CUL3: variants seen among roughly 807,000 people sequenced by gnomAD.
CUL3 encodes the protein cullin 3.
In CUL3, 19 loss-of-function variants were observed where a neutral mutation model predicts 89.1. That is an observed-to-expected ratio of 0.21 (90% CI 0.15 to 0.31). CUL3 has a LOEUF of 0.31. Among genes scored for constraint, CUL3 ranks in the 10% least tolerant of loss-of-function variants. CUL3 has a pLI of 1.00. For missense variants in CUL3, 469 were observed against 942.3 expected, an observed-to-expected ratio of 0.50 and a Z score of 6.58; for synonymous variants, 351 against 308.4, an observed-to-expected ratio of 1.14 and a Z score of -1.45.
chr2:224,571,372 C>T (rs1695175832), intron 1 of CUL3, among the ~76,000 whole-genome samples: 1 of 151,982 alleles, frequency 6.6e-6, no homozygotes, highest in Admixed American at 6.6e-5. Context: ...ACATGGGTCA[C>T]ATGTATATAA....
chr2:224,489,715 G>A (rs1691882130), intron 13 of CUL3, among the ~76,000 whole-genome samples: 1 of 151,816 alleles, frequency 6.6e-6, no homozygotes, highest in Non-Finnish European at 1.5e-5. Context: ...CACAGAAAGA[G>A]AAAAAACTAC....
At chr2:224,581,508 C>CTT (rs1260830752) in intron 1 of CUL3, among the ~76,000 whole-genome samples, 10 of 138,854 alleles carry the variant, frequency 7.2e-5, no homozygotes, top group Admixed American at 7.2e-5. Context: ...TTTTTCTTTT[C>CTT]TTTTTTTTTT....
chr2:224,512,535 C>A (rs983269771), intron 5 of CUL3, among the ~76,000 whole-genome samples: 1 of 152,168 alleles, frequency 6.6e-6, no homozygotes, highest in Non-Finnish European at 1.5e-5. Flanking sequence ...TTTACTAGTA[C>A]TCAATTATTG....
chr2:224,566,252 T>TGGAACCAA (rs1695037544), intron 1 of CUL3, among the ~76,000 whole-genome samples: 2 of 152,238 alleles, frequency 1.3e-5, no homozygotes, highest in Admixed American at 6.5e-5. Flanking sequence ...AAAGCACTGA[T>TGGAACCAA]GGAACCAATC....
rs145545222 is a variant in CUL3, at chr2:224,550,494, A to G, written c.264+7165T>C. Among the ~76,000 whole-genome samples, 44 of 152,266 alleles carry G rather than the reference A, an allele frequency of 2.9e-4. No individual in the cohort carries two copies. The East Asian group carries it at 6.6e-3, about 23-fold the overall frequency. On this transcript the variant is annotated intron_variant, in intron 2 of 15. Transcript: ENST00000264414. ...TCACAATTCCCAAATACACATCTCC[A>G]GTTCAAACTTCTCGGATAATTTGAT...
intron 2 of CUL3, among the ~76,000 whole-genome samples, chr2:224,544,448 C>T (rs988063053): frequency 2.0e-5 from 3 of 151,922 alleles, no homozygotes; most frequent in African/African-American, 4.8e-5. Flanking sequence ...ACTTTATTAA[C>T]GATGGATAAG....
At chr2:224,583,422 A>T (rs1345634909) in intron 1 of CUL3, among the ~76,000 whole-genome samples, 1 of 152,230 alleles carries the variant, frequency 6.6e-6, no homozygotes, top group Non-Finnish European at 1.5e-5. Flanking sequence ...AAGTAATTCT[A>T]AACTCTAAAG....
At chr2:224,581,780 G>A (rs1574712298) in intron 1 of CUL3, among the ~76,000 whole-genome samples, 1 of 152,112 alleles carries the variant, frequency 6.6e-6, no homozygotes, top group East Asian at 1.9e-4. Context: ...CGAAGTGCTA[G>A]GATTACAGGT....
rs1691105167 is a variant in CUL3, at chr2:224,470,835, A to C, written c.*3410T>G. 1 of 230,348 alleles carries C rather than the reference A, an allele frequency of 4.3e-6. No individual in the cohort carries two copies. The allele number at this position is 230,348 out of a possible 1,614,324, so 14.3% of individuals were successfully genotyped here. A position where few individuals can be genotyped will look rare whatever the true frequency, so the allele number is the denominator to read the frequency against. On this transcript the variant is annotated 3_prime_UTR_variant, in exon 16 of 16. Transcript: ENST00000264414. The stretch of plus-strand genomic sequence containing the variant: ...AGTTTGTCACATTACTATTCATGTG[A>C]ATGAGGTACAAAATAAATGAAAATT...
rs2106205547 is a variant in CUL3 at position 224,506,848 on chromosome 2, G to C, written c.1029+10C>G. 6.2e-7 allele frequency: 1 copy of C among 1,610,264 alleles called. No individual in the cohort carries two copies. The highest frequency in any genetic ancestry group is 8.5e-7 in the Non-Finnish European group (1 of 1,178,658). Reference sequence around the variant, plus strand: ...ATCATAAACACAGAGAATCTTCTGGGTTTACTTACCTGGATATAGTCAACA... The same window carrying C: ...ATCATAAACACAGAGAATCTTCTGGCTTTACTTACCTGGATATAGTCAACA... On this transcript the variant is annotated intron_variant, in intron 7 of 15. Coordinates refer to ENST00000264414, the MANE Select transcript of CUL3 (RefSeq NM_003590.5).
At chr2:224,520,518 A>G (rs1443296035) in intron 3 of CUL3, among the ~76,000 whole-genome samples, 2 of 152,256 alleles carry the variant, frequency 1.3e-5, no homozygotes, top group Non-Finnish European at 2.9e-5. Context: ...AATAGCTTTT[A>G]AGACCAACTT....
intron 1 of CUL3, among the ~76,000 whole-genome samples, chr2:224,574,042 G>C (rs530449489): frequency 1.3e-5 from 2 of 152,282 alleles, no homozygotes; most frequent in East Asian, 3.9e-4. Context: ...GTGTTGCTCA[G>C]TTAAGAGCTG....
chr2:224,470,985 T>C lies in CUL3; in HGVS notation c.*3260A>G, dbSNP rs1039771851. The C allele has an allele frequency of 4.4e-6, 1 of 228,672 alleles. No homozygotes were observed. Among genetic ancestry groups the C allele is most frequent in the African/African-American group, 2.2e-5 (1 of 45,142 alleles). 14.2% of individuals were successfully genotyped at this position (228,672 alleles called of 1,614,324 possible). On this transcript the variant is annotated 3_prime_UTR_variant, in exon 16 of 16. Transcript: ENST00000264414. ...GACAACACTGGTATAATGACAGTTA[T>C]GTCACATAAAGCCAATATGACAACT... is the stretch of plus-strand genomic sequence containing the variant.
chr2:224,552,363 GA>G (rs1400143967), intron 2 of CUL3, among the ~76,000 whole-genome samples: 1 of 152,122 alleles, frequency 6.6e-6, no homozygotes, highest in African/African-American at 2.4e-5. Flanking sequence ...GTGGTCTTGA[GA>G]AATGAACTAA....
intron 1 of CUL3, among the ~76,000 whole-genome samples, chr2:224,582,967 T>C (rs1024034635): frequency 6.6e-6 from 1 of 152,214 alleles, no homozygotes; most frequent in African/African-American, 2.4e-5. Flanking sequence ...CAGAAGGCCA[T>C]TAACTTGAGT....
intron 3 of CUL3, among the ~76,000 whole-genome samples, chr2:224,532,209 C>A (rs1693721744): frequency 6.6e-6 from 1 of 152,074 alleles, no homozygotes; most frequent in South Asian, 2.1e-4. Flanking sequence ...TGGGAATCAT[C>A]TGCACAGAGG....
At position 224,501,666 on chromosome 2, in the gene CUL3, T is replaced by C. The variant is rs1041230668; in HGVS notation, c.1486-1179A>G. On this transcript the variant is annotated intron_variant, in intron 10 of 15. Coordinates refer to ENST00000264414, the MANE Select transcript of CUL3 (RefSeq NM_003590.5). ...AACTTTAAGGAAACTGAAAATAAAC[T>C]TGGATGATGCACAGAAGAGAGGATC... Among the ~76,000 whole-genome samples, 11 of 152,244 alleles carry C rather than the reference T, an allele frequency of 7.2e-5. No homozygotes were observed. In the East Asian group the frequency reaches 2.1e-3, roughly 29 times the overall value.
intron 3 of CUL3, among the ~76,000 whole-genome samples, chr2:224,524,021 C>T (rs1693372833): frequency 6.6e-6 from 1 of 152,090 alleles, no homozygotes; most frequent in Non-Finnish European, 1.5e-5. Flanking sequence ...TGAACGTACA[C>T]TTAATAGCTC....
At chr2:224,543,003 A>G (rs544481607) in intron 2 of CUL3, among the ~76,000 whole-genome samples, 1 of 152,206 alleles carries the variant, frequency 6.6e-6, no homozygotes, top group African/African-American at 2.4e-5. Context: ...CATACCCCAC[A>G]ACACACATAA....
Sources: gnomAD v4.1 joint callset for allele counts (sites outside exome capture counted in the v4.1 genomes callset) on GRCh38, gnomAD v4.1.1 for gene constraint, MANE v1.5 for transcripts, NCBI Gene and HGNC (gene_info 2026-07-23, HGNC 2026-07-21) for gene names.